HBS1L: variants seen among roughly 807,000 people sequenced by gnomAD.
HBS1L encodes the protein HBS1-like protein.
HBS1L carries 55 observed loss-of-function variants against 88.9 expected under a neutral mutation model. That is an observed-to-expected ratio of 0.62 (90% CI 0.50 to 0.77). HBS1L has a LOEUF of 0.77. Among genes scored for constraint, HBS1L ranks in the 30% least tolerant of loss-of-function variants. HBS1L has a pLI of 0.00. For missense variants in HBS1L, 741 were observed against 829.3 expected (o/e 0.89, Z 1.31); for synonymous variants, 267 against 288.5 (o/e 0.93, Z 0.76).
At position 134,961,883 on chromosome 6, in the gene HBS1L, A is replaced by ACATCAACAAATGATGAG. The variant is rs1177077369; in HGVS notation, c.*3379_*3395dup. On this transcript the variant is annotated 3_prime_UTR_variant, in exon 18 of 18. Transcript: ENST00000367837. ...AATTATGCCCTGGTGATCTTTGATG[A>ACATCAACAAATGATGAG]CATCAACAAATGATGAGCATCAACA... 2 of 152,204 alleles carry ACATCAACAAATGATGAG rather than the reference A, an allele frequency of 1.3e-5. No individual in the cohort carries two copies. The highest frequency in any genetic ancestry group is 6.5e-5 in the Admixed American group (1 of 15,282). 9.4% of individuals were successfully genotyped at this position (152,204 alleles called of 1,614,324 possible). A position where few individuals can be genotyped will look rare whatever the true frequency, so the allele number is the denominator to read the frequency against.
At chr6:135,027,218 A>G (rs1318290131) in intron 4 of HBS1L, 1 of 133,732 alleles carries the variant, frequency 7.5e-6, no homozygotes, top group Non-Finnish European at 1.5e-5. Context: ...AAAAAAAAAG[A>G]AAAGAAAAAA....
chr6:134,968,396 G>C (rs1258539085), intron 16 of HBS1L, among the ~76,000 whole-genome samples: 1 of 151,892 alleles, frequency 6.6e-6, no homozygotes, highest in Non-Finnish European at 1.5e-5. Context: ...TTACAGGTGT[G>C]AGCCACCACA....
chr6:135,036,931 G>A (rs904800468), intron 4 of HBS1L: 21 of 1,551,568 alleles, frequency 1.4e-5, no homozygotes, highest in Non-Finnish European at 1.8e-5. Context: ...AGCAATGGAT[G>A]GGTCTACTAC....
chr6:135,035,575 C>G (rs952746036), intron 4 of HBS1L, among the ~76,000 whole-genome samples: 1 of 150,834 alleles, frequency 6.6e-6, no homozygotes, highest in Non-Finnish European at 1.5e-5. Context: ...CCCATCTCTA[C>G]TAAAAAAAAT....
intron 12 of HBS1L, chr6:134,983,118 C>T (rs1300169058): frequency 6.6e-6 from 1 of 152,152 alleles, no homozygotes; most frequent in Admixed American, 6.6e-5. Context: ...AAAGGCATAA[C>T]CAAATGTGGG....
intron 4 of HBS1L, among the ~76,000 whole-genome samples, chr6:135,019,206 G>T (rs948780269): frequency 6.6e-6 from 1 of 151,866 alleles, no homozygotes. Flanking sequence ...CTAGTAGTTG[G>T]TTCAGTTGAA....
intron 15 of HBS1L, among the ~76,000 whole-genome samples, chr6:134,970,907 A>G (rs1196463116): frequency 6.6e-6 from 1 of 152,220 alleles, no homozygotes; most frequent in African/African-American, 2.4e-5. Flanking sequence ...GGAAAGATCA[A>G]TGCCCAGGAC....
intron 3 of HBS1L, among the ~76,000 whole-genome samples, chr6:135,041,482 T>C (rs540118973): frequency 2.4e-4 from 37 of 152,184 alleles, no homozygotes; most frequent in Middle Eastern, 6.8e-3. Context: ...TCAGAACCGA[T>C]GTCATTACCA....
At chr6:134,998,666 C>CT (rs1181259380) in intron 5 of HBS1L, among the ~76,000 whole-genome samples, 1 of 152,210 alleles carries the variant, frequency 6.6e-6, no homozygotes, top group Non-Finnish European at 1.5e-5. Flanking sequence ...CTATTTTCTT[C>CT]TTGCCTATTA....
rs1408022999 is a variant in HBS1L at position 134,961,674 on chromosome 6, T to C, written c.*3605A>G. On this transcript the variant is annotated 3_prime_UTR_variant, in exon 18 of 18. Coordinates refer to ENST00000367837, the MANE Select transcript of HBS1L (RefSeq NM_006620.4). ...CACTTTCTGACAGCACTCAATCCACTTTCTGACAGCACTCAATCCAGAAGA... is the reference window on the plus strand; with the variant it reads ...CACTTTCTGACAGCACTCAATCCACCTTCTGACAGCACTCAATCCAGAAGA... 6.6e-6 allele frequency: 1 copy of C among 152,120 alleles called. No homozygotes were observed. Among genetic ancestry groups the C allele is most frequent in the East Asian group, 1.9e-4 (1 of 5,202 alleles). 9.4% of individuals were successfully genotyped at this position (152,120 alleles called of 1,614,324 possible). A position where few individuals can be genotyped will look rare whatever the true frequency, so the allele number is the denominator to read the frequency against.
chr6:134,972,703 GGAT>G lies in HBS1L; in HGVS notation c.1798-3368_1798-3366del, dbSNP rs1774524624. 2.0e-5 allele frequency among the ~76,000 whole-genome samples: 3 copies of G among 151,996 alleles called. No homozygotes were observed. In the South Asian group the frequency reaches 6.2e-4, roughly 32 times the overall value. On this transcript the variant is annotated intron_variant, in intron 15 of 17. Coordinates refer to ENST00000367837, the MANE Select transcript of HBS1L (RefSeq NM_006620.4). ...ATCTGCAAATCATGTATGTAATAAGGGATGATATTAAGAACTTCTATTAATAAC... is the reference window on the plus strand; with the variant it reads ...ATCTGCAAATCATGTATGTAATAAGGGATATTAAGAACTTCTATTAATAAC...
At chr6:135,000,135 T>C (rs1468830836) in intron 5 of HBS1L, among the ~76,000 whole-genome samples, 1 of 152,022 alleles carries the variant, frequency 6.6e-6, no homozygotes, top group African/African-American at 2.4e-5. Context: ...ATTGGCTCAC[T>C]GCAGTCTTGG....
rs1437684564 is a variant in HBS1L at position 134,961,960 on chromosome 6, T to G, written c.*3319A>C. 6.6e-6 allele frequency: 1 copy of G among 152,174 alleles called. No homozygotes were observed. Among genetic ancestry groups the G allele is most frequent in the African/African-American group, 2.4e-5 (1 of 41,446 alleles). The allele number at this position is 152,174 out of a possible 1,614,324, so 9.4% of individuals were successfully genotyped here. A position where few individuals can be genotyped will look rare whatever the true frequency, so the allele number is the denominator to read the frequency against. On this transcript the variant is annotated 3_prime_UTR_variant, in exon 18 of 18. Coordinates refer to ENST00000367837, the MANE Select transcript of HBS1L (RefSeq NM_006620.4). The stretch of plus-strand genomic sequence containing the variant: ...TCACCTACCCTCCAATCTTAAAGTT[T>G]TGAATTATCTCTTTATGATACCCTG...
intron 4 of HBS1L, among the ~76,000 whole-genome samples, chr6:135,019,111 C>T (rs183609382): frequency 7.3e-4 from 111 of 151,744 alleles, no homozygotes; most frequent in Admixed American, 1.4e-3. Context: ...ATTGCAACCA[C>T]CAGAAAAAAT....
chr6:135,003,737 C>T (rs772987028), intron 4 of HBS1L, among the ~76,000 whole-genome samples: 21 of 151,928 alleles, frequency 1.4e-4, no homozygotes, highest in Non-Finnish European at 2.5e-4. Context: ...TGGTGGTGCA[C>T]GCTTGTAATC....
chr6:135,036,898 A>T, intron 4 of HBS1L: 1 of 1,551,702 alleles, frequency 6.4e-7, no homozygotes, highest in Non-Finnish European at 8.7e-7. Flanking sequence ...CTTTGAACTT[A>T]GAACTTTAGT....
intron 4 of HBS1L, among the ~76,000 whole-genome samples, chr6:135,016,115 A>G (rs1775914565): frequency 6.6e-6 from 1 of 151,862 alleles, no homozygotes; most frequent in Admixed American, 6.6e-5. Context: ...CGAACTCCCA[A>G]CCTCAGGTGA....
chr6:135,029,542 T>C (rs1776328389), intron 4 of HBS1L, among the ~76,000 whole-genome samples: 1 of 152,020 alleles, frequency 6.6e-6, no homozygotes, highest in Admixed American at 6.6e-5. Flanking sequence ...GTTGGTATAA[T>C]AACAAAAGAA....
In HBS1L at chr6:134,962,723, A is replaced by G. The variant is rs563555506; in HGVS notation, c.*2556T>C. ...ATTAGTGTGAAGAAACAGTAAAATC[A>G]TAAAAAAGAAGACAGTCAGGACAAG... On this transcript the variant is annotated 3_prime_UTR_variant, in exon 18 of 18. Coordinates refer to ENST00000367837, the MANE Select transcript of HBS1L (RefSeq NM_006620.4). 8.5e-5 allele frequency: 13 copies of G among 152,390 alleles called. No individual in the cohort carries two copies. Among genetic ancestry groups the G allele is most frequent in the African/African-American group, 2.4e-4 (10 of 41,592 alleles). The allele number at this position is 152,390 out of a possible 1,614,324, so 9.4% of individuals were successfully genotyped here. A position where few individuals can be genotyped will look rare whatever the true frequency, so the allele number is the denominator to read the frequency against.
Sources: allele counts gnomAD v4.1 joint callset (sites outside exome capture counted in the v4.1 genomes callset), GRCh38; gene constraint gnomAD v4.1.1; transcripts MANE v1.5; gene names NCBI Gene and HGNC (gene_info 2026-07-23, HGNC 2026-07-21).